The following SRPK2 variants were observed in gnomAD, a reference collection of about 807,000 sequenced individuals.
SRPK2 encodes SRSF protein kinase 2.
SRPK2 carries 21 observed loss-of-function variants against 90.8 expected under a neutral mutation model. That is an observed-to-expected ratio of 0.23 (90% confidence interval 0.16 to 0.33). The LOEUF (loss-of-function observed/expected upper bound fraction) is 0.33, where lower values mean the gene tolerates loss of function less well. SRPK2 is among the 10% of genes least tolerant of loss of function. The pLI, the probability that SRPK2 is intolerant of heterozygous loss-of-function variation, is 1.00. For synonymous variants in SRPK2, 288 were observed against 311.1 expected, an observed-to-expected ratio of 0.93 and a Z score of 0.78; for missense variants, 620 against 869.0, an observed-to-expected ratio of 0.71 and a Z score of 3.60.
chr7:105,148,574 A>G lies in SRPK2; in HGVS notation c.622-1916T>C, dbSNP rs1233621515. Among the ~76,000 whole-genome samples, 5 of 152,362 alleles carry G rather than the reference A, an allele frequency of 3.3e-5. No individual in the cohort carries two copies. The East Asian group carries it at 9.6e-4, about 29-fold the overall frequency. ...AAATATTACATCAATGACCATTCAA[A>G]CAATGAATTGAATAGGCATTTTGTT... On this transcript the variant is annotated intron_variant, in intron 7 of 15. Coordinates refer to ENST00000393651, the MANE Select transcript of SRPK2 (RefSeq NM_182692.3).
chr7:105,347,557 A>G (rs936365373), intron 2 of SRPK2, among the ~76,000 whole-genome samples: 10 of 151,916 alleles, frequency 6.6e-5, no homozygotes, highest in Non-Finnish European at 1.3e-4. Context: ...GAGGGGGAGG[A>G]GGAGGAAGAA....
At chr7:105,220,640 A>G (rs1455297348) in intron 2 of SRPK2, among the ~76,000 whole-genome samples, 5 of 152,242 alleles carry the variant, frequency 3.3e-5, no homozygotes, top group African/African-American at 1.2e-4. Context: ...AAAGTCTTTC[A>G]ATCATTTATT....
At chr7:105,379,761 A>G (rs997590476) in intron 2 of SRPK2, among the ~76,000 whole-genome samples, 6 of 152,050 alleles carry the variant, frequency 3.9e-5, no homozygotes, top group African/African-American at 1.4e-4. Context: ...GGCAGATCAC[A>G]AGGTCAGGAG....
At chr7:105,371,941 T>C (rs1819736141) in intron 2 of SRPK2, among the ~76,000 whole-genome samples, 1 of 152,036 alleles carries the variant, frequency 6.6e-6, no homozygotes, top group South Asian at 2.1e-4. Context: ...GAGACCATTC[T>C]GGCTATCACG....
intron 2 of SRPK2, among the ~76,000 whole-genome samples, chr7:105,376,534 CTTTTTTTTTTTT>C: frequency 1.4e-5 from 2 of 142,402 alleles, no homozygotes; most frequent in Admixed American, 1.4e-4. Flanking sequence ...TCCTTTTTTT[CTTTTTTTTTTTT>C]GGTGAGGGGA....
chr7:105,266,952 C>T (rs1379478853), intron 2 of SRPK2, among the ~76,000 whole-genome samples: 2 of 152,058 alleles, frequency 1.3e-5, no homozygotes, highest in African/African-American at 4.8e-5. Context: ...TCTATGTTTG[C>T]AAAGTGTTGT....
chr7:105,145,396 T>A, intron 8 of SRPK2, 88 bp from the exon 9 acceptor site: 1 of 947,502 alleles, frequency 1.1e-6, no homozygotes, highest in Non-Finnish European at 1.6e-6. Context: ...GTGAAATAAT[T>A]ATTGTCTTTT....
chr7:105,384,417 T>C lies in SRPK2; in HGVS notation c.71+4231A>G, dbSNP rs117334652. Among the ~76,000 whole-genome samples the C allele has an allele frequency of 2.8e-3, 428 of 152,296 alleles. 10 individuals carry two copies. In the East Asian group the frequency reaches 0.055, roughly 20 times the overall value. The stretch of plus-strand genomic sequence containing the variant: ...TTTCCAGTGTACCATAAAAGTAGCC[T>C]CTAGGAACTGGCTCAATTCATAAAA... On this transcript the variant is annotated intron_variant, in intron 2 of 15. Coordinates refer to ENST00000393651, the MANE Select transcript of SRPK2 (RefSeq NM_182692.3).
intron 2 of SRPK2, among the ~76,000 whole-genome samples, chr7:105,265,869 T>TA (rs397826925): frequency 3.6e-4 from 55 of 152,172 alleles, no homozygotes; most frequent in Middle Eastern, 3.4e-3. Context: ...GCATTTTTTT[T>TA]AAAAAATTCA....
intron 3 of SRPK2, among the ~76,000 whole-genome samples, chr7:105,200,656 T>C (rs1795435107): frequency 2.0e-5 from 3 of 152,176 alleles, no homozygotes; most frequent in Non-Finnish European, 4.4e-5. Context: ...TCAACTCCAA[T>C]GGAATAAATC....
chr7:105,311,230 ATTTC>A (rs1260205314), intron 2 of SRPK2, among the ~76,000 whole-genome samples: 2 of 151,982 alleles, frequency 1.3e-5, no homozygotes, highest in Non-Finnish European at 2.9e-5. Context: ...TAAGCAAATA[ATTTC>A]TTTCTTATTT....
intron 2 of SRPK2, among the ~76,000 whole-genome samples, chr7:105,319,875 T>TGTC (rs1812749517): frequency 6.6e-6 from 1 of 151,620 alleles, no homozygotes; most frequent in Non-Finnish European, 1.5e-5. Context: ...TTTTTTTTTT[T>TGTC]GTCTATAAAT....
At chr7:105,348,068 CTTT>C (rs770159031) in intron 2 of SRPK2, among the ~76,000 whole-genome samples, 3 of 81,016 alleles carry the variant, frequency 3.7e-5, no homozygotes, top group African/African-American at 1.0e-4. Context: ...GCTTGGCAAA[CTTT>C]TTTTTTTTTT....
intron 2 of SRPK2, among the ~76,000 whole-genome samples, chr7:105,292,726 AC>A (rs1347289689): frequency 6.6e-6 from 1 of 152,066 alleles, no homozygotes; most frequent in Non-Finnish European, 1.5e-5. Flanking sequence ...CCATCTGTGT[AC>A]CCTTCTAATT....
chr7:105,301,956 A>G, intron 2 of SRPK2: 1 of 1,609,226 alleles, frequency 6.2e-7, no homozygotes, highest in South Asian at 1.1e-5. Flanking sequence ...GACAAAAAAG[A>G]ATAACTTTCA....
intron 3 of SRPK2, among the ~76,000 whole-genome samples, chr7:105,195,489 C>A (rs754283656): frequency 5.9e-5 from 9 of 152,214 alleles, no homozygotes; most frequent in Non-Finnish European, 1.2e-4. Flanking sequence ...AAATTTCTCA[C>A]ACTCATCTCT....
chr7:105,353,339 TG>T (rs1208083664), intron 2 of SRPK2, among the ~76,000 whole-genome samples: 1 of 152,042 alleles, frequency 6.6e-6, no homozygotes, highest in Non-Finnish European at 1.5e-5. Context: ...GTAATGGTTT[TG>T]TTTTTTTGTG....
intron 2 of SRPK2, among the ~76,000 whole-genome samples, chr7:105,333,806 C>T (rs1814728018): frequency 6.6e-6 from 1 of 152,176 alleles, no homozygotes; most frequent in Admixed American, 6.5e-5. Context: ...GCTGTAATAA[C>T]TGATCTAAAT....
intron 2 of SRPK2, among the ~76,000 whole-genome samples, chr7:105,260,854 C>T (rs1240584437): frequency 9.8e-5 from 12 of 122,304 alleles, no homozygotes; most frequent in Admixed American, 2.9e-4. Flanking sequence ...GGACACAGGG[C>T]GGGGAACATC....
Sources: gnomAD v4.1 joint callset for allele counts (sites outside exome capture counted in the v4.1 genomes callset) on GRCh38, gnomAD v4.1.1 for gene constraint, MANE v1.5 for transcripts, NCBI Gene and HGNC (gene_info 2026-07-23, HGNC 2026-07-21) for gene names.